LEPR: variants seen among roughly 807,000 people sequenced by gnomAD.
The protein encoded by LEPR is OB receptor.
A neutral mutation model predicts 114.7 loss-of-function variants in LEPR; 56 were observed. The observed-to-expected ratio is 0.49, with a 90% CI of 0.39 to 0.61. The LOEUF is 0.61. Ranked by LOEUF, LEPR falls within the 20% of genes least tolerant of loss-of-function variation. The probability of loss-of-function intolerance (pLI) is 0.00; values close to 1 mark genes in which losing one functional copy is unlikely to be tolerated. For missense variants in LEPR, 1,202 were observed against 1,352.9 expected, an observed-to-expected ratio of 0.89 and a Z score of 1.75; for synonymous variants, 443 against 461.4, an observed-to-expected ratio of 0.96 and a Z score of 0.51.
At chr1:65,438,548 C>CAAAA (rs1159617552) in intron 2 of LEPR, among the ~76,000 whole-genome samples, 43 of 67,762 alleles carry the variant, frequency 6.3e-4, no homozygotes, top group East Asian at 1.3e-3. Context: ...GACTCTGTCT[C>CAAAA]AAAAAAAAAA....
At chr1:65,608,448 G>A (rs968383877) in intron 11 of LEPR, among the ~76,000 whole-genome samples, 2 of 151,988 alleles carry the variant, frequency 1.3e-5, no homozygotes, top group Non-Finnish European at 2.9e-5. Context: ...AGCCAGGATC[G>A]GCATGTTATC....
At chr1:65,535,128 ATAT>A (rs766864837) in intron 2 of LEPR, among the ~76,000 whole-genome samples, 6 of 151,954 alleles carry the variant, frequency 3.9e-5, no homozygotes, top group African/African-American at 7.2e-5. Context: ...ATAAACACAC[ATAT>A]TATATGCATG....
intron 2 of LEPR, among the ~76,000 whole-genome samples, chr1:65,506,610 A>G (rs896850890): frequency 4.6e-5 from 7 of 152,198 alleles, no homozygotes; most frequent in African/African-American, 1.7e-4. Flanking sequence ...AAAGCTCATT[A>G]AGCAATACAG....
At chr1:65,447,285 A>G (rs185836419) in intron 2 of LEPR, among the ~76,000 whole-genome samples, 21 of 152,202 alleles carry the variant, frequency 1.4e-4, no homozygotes, top group Admixed American at 1.3e-3. Context: ...TGAGTGATCA[A>G]TCAAGGCCCT....
chr1:65,529,773 G>A (rs978663304), intron 2 of LEPR, among the ~76,000 whole-genome samples: 3 of 152,052 alleles, frequency 2.0e-5, no homozygotes, highest in African/African-American at 4.8e-5. Context: ...GCATTGTCAC[G>A]GTTATTACTC....
At chr1:65,511,485 A>C (rs1325010544) in intron 2 of LEPR, among the ~76,000 whole-genome samples, 2 of 151,942 alleles carry the variant, frequency 1.3e-5, no homozygotes, top group African/African-American at 4.8e-5. Flanking sequence ...TATTTTTCCC[A>C]AAAGATGGCA....
At chr1:65,535,730 T>C (rs1650727417) in intron 2 of LEPR, among the ~76,000 whole-genome samples, 1 of 152,176 alleles carries the variant, frequency 6.6e-6, no homozygotes, top group African/African-American at 2.4e-5. Flanking sequence ...AAGTGGCTTC[T>C]TGGTCTTTTG....
chr1:65,483,229 T>A (rs1200054168), intron 2 of LEPR, among the ~76,000 whole-genome samples: 1 of 151,374 alleles, frequency 6.6e-6, no homozygotes, highest in African/African-American at 2.4e-5. Flanking sequence ...TAATTAGTAT[T>A]CAGATATACA....
intron 2 of LEPR, among the ~76,000 whole-genome samples, chr1:65,488,228 C>CTTTCTTTCTTTCTTTCTT (rs1647663801): frequency 1.7e-5 from 1 of 57,820 alleles, no homozygotes; most frequent in Non-Finnish European, 3.1e-5. Context: ...CTCTCTCTCT[C>CTTTCTTTCTTTCTTTCTT]TTTCTTTCTT....
intron 2 of LEPR, among the ~76,000 whole-genome samples, chr1:65,448,638 C>T (rs1646741948): frequency 6.6e-6 from 1 of 152,154 alleles, no homozygotes; most frequent in South Asian, 2.1e-4. Flanking sequence ...ACCAGTGAAA[C>T]TATCTAGGCC....
At chr1:65,465,418 A>C (rs1646998167) in intron 2 of LEPR, among the ~76,000 whole-genome samples, 1 of 152,094 alleles carries the variant, frequency 6.6e-6, no homozygotes, top group African/African-American at 2.4e-5. Flanking sequence ...GTTCTTTTAC[A>C]TTTGCTGAGG....
At chr1:65,546,214 T>C (rs1651705574) in intron 2 of LEPR, among the ~76,000 whole-genome samples, 4 of 152,178 alleles carry the variant, frequency 2.6e-5, no homozygotes, top group Admixed American at 2.6e-4. Context: ...ACTGTAGCCT[T>C]GTAGTATAGT....
chr1:65,611,863 G>A (rs894160726), intron 14 of LEPR, among the ~76,000 whole-genome samples: 10 of 152,108 alleles, frequency 6.6e-5, no homozygotes, highest in African/African-American at 2.4e-4. Flanking sequence ...ATTTAATTTT[G>A]ATTAATTTAA....
chr1:65,424,720 C>G (rs974288420), intron 1 of LEPR, among the ~76,000 whole-genome samples: 1 of 152,184 alleles, frequency 6.6e-6, no homozygotes, highest in African/African-American at 2.4e-5. Flanking sequence ...AGCCAGCTTC[C>G]TGGTTTGCAG....
At chr1:65,556,070 T>C (rs1006443374) in intron 2 of LEPR, among the ~76,000 whole-genome samples, 2 of 152,020 alleles carry the variant, frequency 1.3e-5, no homozygotes, top group African/African-American at 4.8e-5. Context: ...GGTTATTAGG[T>C]CATGAGGGTG....
At chr1:65,475,048 T>C (rs1210437381) in intron 2 of LEPR, among the ~76,000 whole-genome samples, 1 of 105,130 alleles carries the variant, frequency 9.5e-6, no homozygotes, top group Non-Finnish European at 2.3e-5. Flanking sequence ...AAAATAATCA[T>C]TTTGAAAGGT....
intron 2 of LEPR, among the ~76,000 whole-genome samples, chr1:65,455,840 C>T (rs1349787279): frequency 6.6e-6 from 1 of 152,238 alleles, no homozygotes; most frequent in African/African-American, 2.4e-5. Context: ...GCTTTGTTTA[C>T]CTAATCAAGC....
At chr1:65,596,069 T>A (rs1469230723) in intron 6 of LEPR, among the ~76,000 whole-genome samples, 1 of 152,126 alleles carries the variant, frequency 6.6e-6, no homozygotes, top group Non-Finnish European at 1.5e-5. Flanking sequence ...GCTTTTTTCC[T>A]TTTTAACCAC....
chr1:65,636,717 T>G lies in LEPR; in HGVS notation c.3200T>G (p.Phe1067Cys). 6.2e-7 allele frequency: 1 copy of G among 1,609,226 alleles called. No homozygotes were observed. The highest frequency in any genetic ancestry group is 8.5e-7 in the Non-Finnish European group (1 of 1,177,948). The change falls in exon 20 of 20, where the codon TTC becomes TGC. Residue 1067 changes from phenylalanine (F) to cysteine (C), a missense_variant. Physicochemically the swap from Phe to Cys is radical, Grantham distance 205 (BLOSUM62 -2). Coordinates refer to ENST00000349533, the MANE Select transcript of LEPR (RefSeq NM_002303.6). Reference protein sequence around the residue: ...LDELLKLEGNFPEENNDKKSI... With the variant: ...LDELLKLEGNCPEENNDKKSI... ...GAACTTTTGAAATTGGAGGGAAATT[T>G]CCCTGAAGAAAATAATGATAAAAAG...
Sources: allele counts gnomAD v4.1 joint callset (sites outside exome capture counted in the v4.1 genomes callset), GRCh38; gene constraint gnomAD v4.1.1; transcripts MANE v1.5; gene names NCBI Gene and HGNC (gene_info 2026-07-23, HGNC 2026-07-21).